SZT2: variants seen among roughly 807,000 people sequenced by gnomAD.
The protein encoded by SZT2 is KICSTOR complex protein SZT2.
Under a neutral mutation model 404.2 loss-of-function variants are expected in SZT2, and 216 were observed. The observed-to-expected ratio is 0.53, with a 90% CI of 0.48 to 0.60. The LOEUF is 0.60. Ranked by LOEUF, SZT2 falls within the 20% of genes least tolerant of loss-of-function variation. The pLI, the probability that SZT2 is intolerant of heterozygous loss-of-function variation, is 0.00. For synonymous variants in SZT2, 1,693 were observed against 1,749.9 expected (o/e 0.97, Z 0.81); for missense variants, 3,857 against 4,459.2 (o/e 0.86, Z 3.85).
chr1:43,441,812 A>G lies in SZT2; in HGVS notation c.7736A>G (p.Gln2579Arg). The change falls in exon 55 of 72, where the codon CAG becomes CGG. Residue 2579 changes from glutamine to arginine, a missense_variant. Physicochemically the swap from Gln to Arg is conservative, Grantham distance 43. This residue lies in a region of SZT2 where 573 missense variants were observed against 592.4 expected (regional missense o/e 0.97). Coordinates refer to ENST00000634258, the MANE Select transcript of SZT2 (RefSeq NM_001365999.1). This position sits in a 1 kb window ranked among gnomAD's most constrained non-coding sequence, Gnocchi z 4.8. The stretch of plus-strand genomic sequence containing the variant: ...GACACCAGTGTCCGCATCTTTGAGC[A>G]GCATTTGTGAGTGTAGATCCTATAG... ...AGDTSVRIFE[Q>R]HLGSEPEIFG... 2 of 1,614,186 alleles carry G rather than the reference A, an allele frequency of 1.2e-6. No homozygotes were observed. Among genetic ancestry groups the G allele is most frequent in the Non-Finnish European group, 1.7e-6 (2 of 1,180,030 alleles).
Position 43,425,815 on chromosome 1 carries a change from C to T in SZT2, c.2815-20C>T. 6.2e-7 allele frequency: 1 copy of T among 1,611,490 alleles called. No individual in the cohort carries two copies. Among genetic ancestry groups the T allele is most frequent in the South Asian group, 1.1e-5 (1 of 91,026 alleles). ...GGGCTAAGAGGGGTTGACTCCTGAC[C>T]TCTGATGTTCTTCCTGTAGCTCCAC... On this transcript the variant is annotated intron_variant, in intron 19 of 71. Transcript: ENST00000634258. The surrounding 1 kb of genome is among the most constrained non-coding windows in gnomAD (Gnocchi z 4.3).
intron 1 of SZT2, among the ~76,000 whole-genome samples, chr1:43,397,353 G>T (rs1023487645): frequency 6.6e-6 from 1 of 151,408 alleles, no homozygotes; most frequent in Non-Finnish European, 1.5e-5. Flanking sequence ...CTTGAACCAA[G>T]AGGCGGAGGT....
chr1:43,391,904 ACCC>A (rs1648396226), intron 1 of SZT2, among the ~76,000 whole-genome samples: 1 of 73,984 alleles, frequency 1.4e-5, no homozygotes, highest in African/African-American at 5.6e-5. Flanking sequence ...AAACGGTGAA[ACCC>A]TGTCTCTACT....
rs1655218980 is a variant in SZT2, at chr1:43,442,826, A to C, written c.8159A>C (p.Asn2720Thr). 1 of 1,602,450 alleles carries C rather than the reference A, an allele frequency of 6.2e-7. No homozygotes were observed. Among genetic ancestry groups the C allele is most frequent in the South Asian group, 1.1e-5 (1 of 88,896 alleles). Reference sequence around the variant, plus strand: ...CAATGCTCCATCTCTCAGGAGCCAAACCCATTCCTGCTGCCGACCATGGAA... The same window carrying C: ...CAATGCTCCATCTCTCAGGAGCCAACCCCATTCCTGCTGCCGACCATGGAA... ...DFPVRDEKEP[N>T]PFLLPTMEVE... Residue 2720 changes from asparagine to threonine, a missense_variant, in exon 59 of 72, where the codon AAC becomes ACC. By Grantham distance (65) the Asn-to-Thr change is moderately conservative. Transcript: ENST00000634258. The surrounding 1 kb of genome is among the most constrained non-coding windows in gnomAD (Gnocchi z 4.5).
At chr1:43,412,728 T>G (rs903305578) in intron 4 of SZT2, 4 of 152,110 alleles carry the variant, frequency 2.6e-5, no homozygotes, top group African/African-American at 9.7e-5. Context: ...AGAAAATATT[T>G]GCAAACCACC....
At position 43,429,994 on chromosome 1, in the gene SZT2, T is replaced by C. The variant is rs201728299; in HGVS notation, c.4309-17T>C. 1 of 1,614,076 alleles carries C rather than the reference T, an allele frequency of 6.2e-7. No individual in the cohort carries two copies. Among genetic ancestry groups the C allele is most frequent in the Non-Finnish European group, 8.5e-7 (1 of 1,179,972 alleles). On this transcript the variant is annotated splice_polypyrimidine_tract_variant and intron_variant, in intron 29 of 71. Coordinates refer to ENST00000634258, the MANE Select transcript of SZT2 (RefSeq NM_001365999.1). ...GGGGTGACTGACATTCTAACCTCCT[T>C]CTAAACCCCACAACAGGAGAAGTTC... is the stretch of plus-strand genomic sequence containing the variant.
At chr1:43,447,742 G>A in intron 67 of SZT2, 44 bp downstream of exon 67, 2 of 1,610,704 alleles carry the variant, frequency 1.2e-6, no homozygotes, top group Non-Finnish European at 1.7e-6. Context: ...GCAGGAGCTG[G>A]GGTTGGGACA....
chr1:43,398,697 A>C (rs1649292384), intron 1 of SZT2, among the ~76,000 whole-genome samples: 1 of 152,212 alleles, frequency 6.6e-6, no homozygotes, highest in South Asian at 2.1e-4. Flanking sequence ...TTTTAGGAGC[A>C]TGGCGATAAG....
rs200184443 is a variant in SZT2 at position 43,430,694 on chromosome 1, A to C, written c.4679A>C (p.His1560Pro). The change falls in exon 32 of 72, where the codon CAT (histidine) becomes CCT (proline). Residue 1560 changes from histidine to proline, a missense_variant. This residue lies in a region of SZT2 where 1,725 missense variants were observed against 1,881.0 expected (regional missense o/e 0.92). Coordinates refer to ENST00000634258, the MANE Select transcript of SZT2 (RefSeq NM_001365999.1). ...CCCACTGGGCCTGAGAGCTTCCTTC[A>C]TGACCTGCCACCGCTCTTCCTGCAC... Reference protein sequence around the residue: ...DSPTGPESFLHDLPPLFLHLT... With the variant: ...DSPTGPESFLPDLPPLFLHLT... The C allele has an allele frequency of 1.9e-6, 3 of 1,613,748 alleles. No individual in the cohort carries two copies. Among genetic ancestry groups the C allele is most frequent in the Non-Finnish European group, 2.5e-6 (3 of 1,180,002 alleles).
In SZT2 at chr1:43,447,497, G is replaced by A. The variant is rs76814299; in HGVS notation, c.9287-48G>A. 4.6e-3 allele frequency: 7,353 copies of A among 1,592,028 alleles called. 308 individuals are homozygous for A. In the African/African-American group the frequency reaches 0.087, roughly 19 times the overall value. On this transcript the variant is annotated intron_variant, in intron 66 of 71. Transcript: ENST00000634258. ...TCCCTGTGCCCCACCAGACCAGTGT[G>A]TCTGTCCTAGGCTTAGTGTCTGCTG...
In SZT2 at chr1:43,425,393, CTG is replaced by C; in HGVS notation, c.2646-78_2646-77del. On this transcript the variant is annotated intron_variant, in intron 18 of 71. Coordinates refer to ENST00000634258, the MANE Select transcript of SZT2 (RefSeq NM_001365999.1). This position sits in a 1 kb window ranked among gnomAD's most constrained non-coding sequence, Gnocchi z 4.3. ...GCCTTGTATGACTCGTGGCTGTCCT[CTG>C]TGCCTGCCTCCTTCCCTCCATGAGG... 1.3e-6 allele frequency: 2 copies of C among 1,583,162 alleles called. No homozygotes were observed. The highest frequency in any genetic ancestry group is 1.7e-6 in the Non-Finnish European group (2 of 1,160,774).
intron 4 of SZT2, among the ~76,000 whole-genome samples, chr1:43,409,076 A>G (rs1270506761): frequency 6.6e-6 from 1 of 152,220 alleles, no homozygotes. Context: ...CCCATGGAGA[A>G]AGAATGAAGA....
In SZT2 at chr1:43,396,798, C is replaced by T. The variant is rs528271333; in HGVS notation, c.28-6379C>T. ...TGTTAGAACCCCCATTTGCACTCCC[C>T]CAGGGTTCCAGGAACAATAAAGAAG... is the stretch of plus-strand genomic sequence containing the variant. On this transcript the variant is annotated intron_variant, in intron 1 of 71. Transcript: ENST00000634258. Among the ~76,000 whole-genome samples, 3 of 152,210 alleles carry T rather than the reference C, an allele frequency of 2.0e-5. No individual in the cohort carries two copies. In the South Asian group the frequency reaches 6.2e-4, roughly 32 times the overall value.
intron 62 of SZT2, among the ~76,000 whole-genome samples, chr1:43,444,070 G>T (rs1374814037): frequency 6.6e-6 from 1 of 152,132 alleles, no homozygotes; most frequent in Non-Finnish European, 1.5e-5. Flanking sequence ...CACACATCTT[G>T]TACACTTACA....
intron 4 of SZT2, chr1:43,409,804 A>AAATG (rs1650788575): frequency 1.2e-5 from 2 of 167,664 alleles, no homozygotes; most frequent in South Asian, 2.7e-4. Context: ...ATGGATTGGA[A>AAATG]GAATCAGTAT....
Position 43,424,749 on chromosome 1 carries a change from A to G in SZT2, c.2472-35A>G. Reference sequence around the variant, plus strand: ...TAGTCTCAGTGTCTCTTCTTCCCTTATCCTGGCCTTGCCCCGGCCTTTATG... The same window carrying G: ...TAGTCTCAGTGTCTCTTCTTCCCTTGTCCTGGCCTTGCCCCGGCCTTTATG... On this transcript the variant is annotated intron_variant, in intron 16 of 71. Transcript: ENST00000634258. The surrounding 1 kb of genome is among the most constrained non-coding windows in gnomAD (Gnocchi z 4.1). The G allele has an allele frequency of 6.3e-7, 1 of 1,587,910 alleles. No homozygotes were observed. Among genetic ancestry groups the G allele is most frequent in the South Asian group, 1.1e-5 (1 of 90,304 alleles).
At chr1:43,416,720 G>A (rs1570608970) in intron 7 of SZT2, 79 bp downstream of exon 7, 1 of 1,128,694 alleles carries the variant, frequency 8.9e-7, no homozygotes, top group Admixed American at 2.0e-5. Flanking sequence ...TTTCTTACAG[G>A]CAGTGATTTC....
At chr1:43,438,285 G>T in intron 46 of SZT2, 1 of 345,470 alleles carries the variant, frequency 2.9e-6, no homozygotes, top group Non-Finnish European at 5.5e-6. Flanking sequence ...TACCAGACTG[G>T]GTTCGGGGTG....
Position 43,424,403 on chromosome 1 carries a change from C to T in SZT2, c.2442C>T (p.Ala814=), listed in dbSNP as rs901678932. ...TGGCCCCTGCGCTGCCTCTCAGTGC[C>T]ATTGCCCAGCTCCTCTCCATCCTCA... ...SGLAPALPLS[A]IAQLLSILTE... The change falls in exon 16 of 72, where the codon GCC becomes GCT. Residue 814 remains alanine, a synonymous_variant. Transcript: ENST00000634258. This position sits in a 1 kb window ranked among gnomAD's most constrained non-coding sequence, Gnocchi z 4.1. 13 of 1,597,856 alleles carry T rather than the reference C, an allele frequency of 8.1e-6. No individual in the cohort carries two copies. In the African/African-American group the frequency reaches 1.5e-4, roughly 18 times the overall value.
Sources: gnomAD v4.1 joint callset for allele counts (sites outside exome capture counted in the v4.1 genomes callset) on GRCh38, gnomAD v4.1.1 for gene constraint, gnomAD v4.1.1 regional missense constraint, Gnocchi (gnomAD v3.1) non-coding constraint, MANE v1.5 for transcripts, NCBI Gene and HGNC (gene_info 2026-07-23, HGNC 2026-07-21) for gene names.